The following KCNQ1 variants were observed in gnomAD, a reference collection of about 807,000 sequenced individuals.
The protein encoded by KCNQ1 is potassium voltage-gated channel subfamily KQT member 1.
A neutral mutation model predicts 72.4 loss-of-function variants in KCNQ1; 49 were observed. The ratio of observed to expected loss-of-function variants is 0.68; its 90% CI spans 0.54 to 0.86. The LOEUF is 0.86. Among genes scored for constraint, KCNQ1 ranks in the 40% least tolerant of loss-of-function variants. The probability of loss-of-function intolerance (pLI) is 0.00; values close to 1 mark genes in which losing one functional copy is unlikely to be tolerated. For synonymous variants in KCNQ1, 450 were observed against 412.6 expected, an observed-to-expected ratio of 1.09 and a Z score of -1.10; for missense variants, 790 against 945.1, an observed-to-expected ratio of 0.84 and a Z score of 2.15.
chr11:2,665,136 C>T (rs1850042470), intron 11 of KCNQ1: 2 of 398,658 alleles, frequency 5.0e-6, no homozygotes, highest in East Asian at 3.6e-5. Flanking sequence ...GTGGGCCCTA[C>T]TGCTCAGCCT....
intron 11 of KCNQ1, chr11:2,675,913 A>G (rs1033793819): frequency 1.5e-5 from 6 of 398,562 alleles, no homozygotes; most frequent in Non-Finnish European, 2.7e-5. Context: ...TGCTACAAAA[A>G]TCATACAACA....
Position 2,623,527 on chromosome 11 carries a change from GT to G in KCNQ1, c.1393+34676del, listed in dbSNP as rs79191840. On this transcript the variant is annotated intron_variant, in intron 10 of 15. Coordinates refer to ENST00000155840, the MANE Select transcript of KCNQ1 (RefSeq NM_000218.3). The surrounding 1 kb of genome is among the most constrained non-coding windows in gnomAD (Gnocchi z 5.2). ...TATGATTGGAATCATACAGTATGTA[GT>G]TTCTTCAGATTGCCTTATTTCACAT... 3.0e-3 allele frequency: 1,199 copies of G among 398,534 alleles called. 23 individuals carry two copies. In the East Asian group the frequency reaches 0.039, roughly 13 times the overall value. The allele number at this position is 398,534 out of a possible 1,614,324, so 24.7% of individuals were successfully genotyped here. A position where few individuals can be genotyped will look rare whatever the true frequency, so the allele number is the denominator to read the frequency against.
At chr11:2,731,420 C>T (rs1266418546) in intron 11 of KCNQ1, among the ~76,000 whole-genome samples, 6 of 152,210 alleles carry the variant, frequency 3.9e-5, no homozygotes, top group Non-Finnish European at 7.3e-5. Context: ...CGGGAGAGGC[C>T]TGGGAAAGGG....
Position 2,462,731 on chromosome 11 carries a change from T to G in KCNQ1, c.386+17247T>G, listed in dbSNP as rs1398684238. ...GGGGGCGGTGGAGTGAAGGGGAGGGTGGGCGCTGCTGGCAAGAACCACAGG... is the reference window on the plus strand; with the variant it reads ...GGGGGCGGTGGAGTGAAGGGGAGGGGGGGCGCTGCTGGCAAGAACCACAGG... On this transcript the variant is annotated intron_variant, in intron 1 of 15. Transcript: ENST00000155840. This position sits in a 1 kb window ranked among gnomAD's most constrained non-coding sequence, Gnocchi z 8.2. Among the ~76,000 whole-genome samples, 9 of 139,652 alleles carry G rather than the reference T, an allele frequency of 6.4e-5. No individual in the cohort carries two copies. The highest frequency in any genetic ancestry group is 1.9e-4 in the African/African-American group (7 of 36,948). The allele number at this position is 139,652 out of a possible 152,430, so 91.6% of individuals were successfully genotyped here.
At chr11:2,569,527 G>A (rs1376424390) in intron 2 of KCNQ1, among the ~76,000 whole-genome samples, 1 of 152,242 alleles carries the variant, frequency 6.6e-6, no homozygotes, top group Non-Finnish European at 1.5e-5. Flanking sequence ...CGGCTTCTGA[G>A]GGAGGACAGG....
rs903486709 is a variant in KCNQ1, at chr11:2,526,379, T to C, written c.387-1549T>C. Among the ~76,000 whole-genome samples the C allele has an allele frequency of 4.0e-5, 6 of 151,876 alleles. No homozygotes were observed. The highest frequency in any genetic ancestry group is 1.5e-4 in the African/African-American group (6 of 41,348). ...ACAGGGTGTCGGTGAGGCAGGTGGC[T>C]GAGGAAATGGTAGCTGCAGGTTTTG... is the stretch of plus-strand genomic sequence containing the variant. On this transcript the variant is annotated intron_variant, in intron 1 of 15. Coordinates refer to ENST00000155840, the MANE Select transcript of KCNQ1 (RefSeq NM_000218.3). This position sits in a 1 kb window ranked among gnomAD's most constrained non-coding sequence, Gnocchi z 6.1.
chr11:2,714,522 G>A (rs1053879078), intron 11 of KCNQ1, among the ~76,000 whole-genome samples: 14 of 152,092 alleles, frequency 9.2e-5, no homozygotes, highest in African/African-American at 2.4e-4. Context: ...GGGCTGTGAC[G>A]CCATAGGTGC....
At chr11:2,448,885 G>C (rs781463950) in intron 1 of KCNQ1, among the ~76,000 whole-genome samples, 9 of 152,208 alleles carry the variant, frequency 5.9e-5, no homozygotes, top group Admixed American at 4.6e-4. Flanking sequence ...CTGTGGCTTC[G>C]TACTAGTTGG....
chr11:2,696,161 C>A lies in KCNQ1; in HGVS notation c.1514+34080C>A, dbSNP rs141467079. The A allele has an allele frequency of 8.7e-3, 3,479 of 398,636 alleles. 21 individuals carry two copies. The highest frequency in any genetic ancestry group is 0.02 in the South Asian group (160 of 7,862). 24.7% of individuals were successfully genotyped at this position (398,636 alleles called of 1,614,324 possible). A position where few individuals can be genotyped will look rare whatever the true frequency, so the allele number is the denominator to read the frequency against. On this transcript the variant is annotated intron_variant, in intron 11 of 15. Transcript: ENST00000155840. ...ATTTTAGTCTTGAGGTTTGTGCTTTCTGGATCCTGTTTAAGAACCCCACGG... is the reference window on the plus strand; with the variant it reads ...ATTTTAGTCTTGAGGTTTGTGCTTTATGGATCCTGTTTAAGAACCCCACGG...
Position 2,729,018 on chromosome 11 carries a change from G to T in KCNQ1, c.1515-39826G>T, listed in dbSNP as rs931642901. ...GACACAGGGGCTGTTGTGCATGCAGGGCTGGCAACTGTAGTCACAGAACAA... is the reference window on the plus strand; with the variant it reads ...GACACAGGGGCTGTTGTGCATGCAGTGCTGGCAACTGTAGTCACAGAACAA... On this transcript the variant is annotated intron_variant, in intron 11 of 15. Coordinates refer to ENST00000155840, the MANE Select transcript of KCNQ1 (RefSeq NM_000218.3). Among the ~76,000 whole-genome samples the T allele has an allele frequency of 4.6e-5, 7 of 152,336 alleles. No individual in the cohort carries two copies. The East Asian group carries it at 9.6e-4, about 21-fold the overall frequency.
chr11:2,630,345 C>T (rs1849332834), intron 10 of KCNQ1: 2 of 398,032 alleles, frequency 5.0e-6, no homozygotes, highest in East Asian at 7.1e-5. Context: ...AATGTATAGT[C>T]ATAAAAAAAT....
intron 1 of KCNQ1, among the ~76,000 whole-genome samples, chr11:2,454,029 C>G (rs1341643120): frequency 6.6e-6 from 1 of 152,062 alleles, no homozygotes; most frequent in Non-Finnish European, 1.5e-5. Context: ...CTCAGCCTCC[C>G]AAAGTGCTTA....
rs111903332 is a variant in KCNQ1, at chr11:2,471,237, A to G, written c.386+25753A>G. Among the ~76,000 whole-genome samples, 7,442 of 152,100 alleles carry G rather than the reference A, an allele frequency of 0.049. 383 individuals are homozygous for G. The highest frequency in any genetic ancestry group is 0.13 in the African/African-American group (5,296 of 41,464). Reference sequence around the variant, plus strand: ...CTGAACCTCCAACTGGTGTGGCTTCAGGGTCCCCAACTTTTCAGACCCCAC... The same window carrying G: ...CTGAACCTCCAACTGGTGTGGCTTCGGGGTCCCCAACTTTTCAGACCCCAC... On this transcript the variant is annotated intron_variant, in intron 1 of 15. Transcript: ENST00000155840. This position sits in a 1 kb window ranked among gnomAD's most constrained non-coding sequence, Gnocchi z 4.8.
intron 10 of KCNQ1, chr11:2,644,622 T>C (rs1392202305): frequency 2.5e-6 from 1 of 398,504 alleles, no homozygotes; most frequent in East Asian, 3.6e-5. Context: ...TGCCTTTTCA[T>C]GTTTCTTGTG....
At chr11:2,751,719 T>G (rs1846229628) in intron 11 of KCNQ1, among the ~76,000 whole-genome samples, 1 of 152,258 alleles carries the variant, frequency 6.6e-6, no homozygotes, top group Non-Finnish European at 1.5e-5. Context: ...CATCTGCAGA[T>G]GCGCTGTGTC....
Position 2,762,479 on chromosome 11 carries a change from A to G in KCNQ1, c.1515-6365A>G, listed in dbSNP as rs1357978835. On this transcript the variant is annotated intron_variant, in intron 11 of 15. Transcript: ENST00000155840. The surrounding 1 kb of genome is among the most constrained non-coding windows in gnomAD (Gnocchi z 4.3). ...AAAAGCGTATCCTTCCGCCAGCTCG[A>G]CGGCAAAGGCGTCTTTTCTATGAAC... Among the ~76,000 whole-genome samples the G allele has an allele frequency of 6.6e-6, 1 of 152,156 alleles. No homozygotes were observed. Among genetic ancestry groups the G allele is most frequent in the Non-Finnish European group, 1.5e-5 (1 of 68,032 alleles).
At chr11:2,573,098 C>G (rs1848366845) in intron 6 of KCNQ1, 112 bp downstream of exon 6, 1 of 1,294,170 alleles carries the variant, frequency 7.7e-7, no homozygotes, top group Middle Eastern at 2.5e-4. Flanking sequence ...GGCTTCTCAC[C>G]TGCACGCTCA....
At position 2,559,342 on chromosome 11, in the gene KCNQ1, G is replaced by A. The variant is rs1848124191; in HGVS notation, c.478-11286G>A. 6.6e-6 allele frequency among the ~76,000 whole-genome samples: 1 copy of A among 152,188 alleles called. No homozygotes were observed. ...AGGCCAGGGGTAGACGCAGGCACAG[G>A]GAGGATCAGGAAAGCCCTGGATCTT... On this transcript the variant is annotated intron_variant, in intron 2 of 15. Coordinates refer to ENST00000155840, the MANE Select transcript of KCNQ1 (RefSeq NM_000218.3). This position sits in a 1 kb window ranked among gnomAD's most constrained non-coding sequence, Gnocchi z 4.9.
At chr11:2,756,954 A>AAC (rs1846311015) in intron 11 of KCNQ1, among the ~76,000 whole-genome samples, 1 of 79,558 alleles carries the variant, frequency 1.3e-5, no homozygotes, top group Non-Finnish European at 2.3e-5. Context: ...AGCATCTTAA[A>AAC]AAAAAAAAAA....
Sources: allele counts gnomAD v4.1 joint callset (sites outside exome capture counted in the v4.1 genomes callset), GRCh38; gene constraint gnomAD v4.1.1; non-coding constraint Gnocchi (gnomAD v3.1); transcripts MANE v1.5; gene names NCBI Gene and HGNC (gene_info 2026-07-23, HGNC 2026-07-21).